Variants in SMAD2 observed in about 807,000 individuals in gnomAD.
The protein encoded by SMAD2 is SMAD family member 2, also known as MAD homolog 2.
A neutral mutation model predicts 64.4 loss-of-function variants in SMAD2; 8 were observed. The observed-to-expected ratio is 0.12, with a 90% CI of 0.07 to 0.22. The LOEUF is 0.22. Among genes scored for constraint, SMAD2 ranks in the 10% least tolerant of loss-of-function variants. The pLI is 1.00. For synonymous variants in SMAD2, 203 were observed against 195.8 expected, an observed-to-expected ratio of 1.04 and a Z score of -0.31; for missense variants, 289 against 561.2, an observed-to-expected ratio of 0.51 and a Z score of 4.90.
intron 1 of SMAD2, among the ~76,000 whole-genome samples, chr18:47,897,485 T>C (rs569246272): frequency 1.3e-5 from 2 of 152,342 alleles, no homozygotes; most frequent in Non-Finnish European, 2.9e-5. Context: ...TCTTTTCTCT[T>C]CCATAGGAAT....
rs972198207 is a variant in SMAD2, at chr18:47,930,451, G to A, written c.-144C>T. The A allele has an allele frequency of 1.3e-5, 2 of 152,076 alleles. No homozygotes were observed. Among genetic ancestry groups the A allele is most frequent in the Non-Finnish European group, 2.9e-5 (2 of 67,994 alleles). 9.4% of individuals were successfully genotyped at this position (152,076 alleles called of 1,614,324 possible). A position where few individuals can be genotyped will look rare whatever the true frequency, so the allele number is the denominator to read the frequency against. ...CTTCCGATGGGATGGAGGGGGCTGG[G>A]AGGGGAAGAGGGGAATGGGCGATTG... On this transcript the variant is annotated 5_prime_UTR_variant, in exon 1 of 11. Transcript: ENST00000262160.
chr18:47,910,391 G>C (rs958256632), intron 1 of SMAD2, among the ~76,000 whole-genome samples: 14 of 152,146 alleles, frequency 9.2e-5, no homozygotes, highest in Admixed American at 6.5e-5. Context: ...ATATAATATA[G>C]GGTTCTAATT....
intron 2 of SMAD2, among the ~76,000 whole-genome samples, chr18:47,871,214 C>T (rs1320644902): frequency 6.6e-6 from 1 of 152,094 alleles, no homozygotes; most frequent in Non-Finnish European, 1.5e-5. Context: ...TTCATAGTAA[C>T]TTCTGGTCAG....
Position 47,865,100 on chromosome 18 carries a change from C to T in SMAD2, c.689G>A (p.Gly230Glu). The change falls in exon 6 of 11, where the codon GGA (glycine) becomes GAA (glutamate). Residue 230 changes from glycine to glutamate, a missense_variant. Transcript: ENST00000262160. ...ATTCAACTGTTGGTCACTTGTTTCT[C>T]CATCTTCACTGATATATCCAGGAGG... ...TPPPGYISEDGETSDQQLNQS... is the reference protein window; with the variant it reads ...TPPPGYISEDEETSDQQLNQS... 1 of 1,610,776 alleles carries T rather than the reference C, an allele frequency of 6.2e-7. No individual in the cohort carries two copies. The highest frequency in any genetic ancestry group is 8.5e-7 in the Non-Finnish European group (1 of 1,177,372).
Position 47,833,658 on chromosome 18 carries a change from A to C in SMAD2, c.*8169T>G, listed in dbSNP as rs1317823085. ...ATGAGTATGAGGCTACAATTGAGAG[A>C]AACTGCTCAGTCTGCATCAGGACAC... On this transcript the variant is annotated 3_prime_UTR_variant, in exon 11 of 11. Coordinates refer to ENST00000262160, the MANE Select transcript of SMAD2 (RefSeq NM_005901.6). 1 of 230,960 alleles carries C rather than the reference A, an allele frequency of 4.3e-6. No individual in the cohort carries two copies. The highest frequency in any genetic ancestry group is 6.1e-5 in the East Asian group (1 of 16,402). 14.3% of individuals were successfully genotyped at this position (230,960 alleles called of 1,614,324 possible).
chr18:47,914,692 C>T (rs1051270786), intron 1 of SMAD2, among the ~76,000 whole-genome samples: 2 of 152,148 alleles, frequency 1.3e-5, no homozygotes, highest in Non-Finnish European at 2.9e-5. Flanking sequence ...TGATCACACG[C>T]ATTCTGTTAT....
rs1392016961 is a variant in SMAD2, at chr18:47,809,691, A to G, written c.*32136T>C. On this transcript the variant is annotated 3_prime_UTR_variant, in exon 11 of 11. Coordinates refer to ENST00000262160, the MANE Select transcript of SMAD2 (RefSeq NM_005901.6). ...GCCTTGTCTGTCTGTAATTCTCTTT[A>G]AATCTTCTGAGGTTTCCCCATTACT... The G allele has an allele frequency of 6.6e-6, 1 of 152,202 alleles. No homozygotes were observed. Among genetic ancestry groups the G allele is most frequent in the Non-Finnish European group, 1.5e-5 (1 of 68,038 alleles). 9.4% of individuals were successfully genotyped at this position (152,202 alleles called of 1,614,324 possible).
At chr18:47,855,254 C>T (rs1347418964) in intron 6 of SMAD2, among the ~76,000 whole-genome samples, 1 of 152,144 alleles carries the variant, frequency 6.6e-6, no homozygotes, top group African/African-American at 2.4e-5. Context: ...TTTATCTAGT[C>T]ACCTATTAAA....
rs1358644638 is a variant in SMAD2, at chr18:47,810,548, A to G, written c.*31279T>C. 1.3e-5 allele frequency: 2 copies of G among 152,148 alleles called. No individual in the cohort carries two copies. Among genetic ancestry groups the G allele is most frequent in the Non-Finnish European group, 2.9e-5 (2 of 68,038 alleles). The allele number at this position is 152,148 out of a possible 1,614,324, so 9.4% of individuals were successfully genotyped here. Reference sequence around the variant, plus strand: ...GTGACAGCAAATCAAGGTCCTCCCAAATAAAAAGTATCTTTTTCCTACAGT... The same window carrying G: ...GTGACAGCAAATCAAGGTCCTCCCAGATAAAAAGTATCTTTTTCCTACAGT... On this transcript the variant is annotated 3_prime_UTR_variant, in exon 11 of 11. Transcript: ENST00000262160.
Position 47,818,188 on chromosome 18 carries a change from G to A in SMAD2, c.*23639C>T, listed in dbSNP as rs1197611134. 6.6e-6 allele frequency: 1 copy of A among 151,810 alleles called. No individual in the cohort carries two copies. The allele number at this position is 151,810 out of a possible 1,614,324, so 9.4% of individuals were successfully genotyped here. A position where few individuals can be genotyped will look rare whatever the true frequency, so the allele number is the denominator to read the frequency against. ...CTTTAAATCTGCTGTTTCTGCCAGT[G>A]TTGAGATGAAACTCACTCCTTACGG... On this transcript the variant is annotated 3_prime_UTR_variant, in exon 11 of 11. Transcript: ENST00000262160.
chr18:47,896,889 C>A, intron 1 of SMAD2, 80 bp from the exon 2 acceptor site: 1 of 1,306,182 alleles, frequency 7.7e-7, no homozygotes, highest in South Asian at 1.3e-5. Context: ...AGAAAGCAAA[C>A]TGCAAAGCAA....
chr18:47,846,889 T>G (rs1207401660), intron 8 of SMAD2, among the ~76,000 whole-genome samples: 1 of 152,094 alleles, frequency 6.6e-6, no homozygotes, highest in African/African-American at 2.4e-5. Context: ...AGAAAACTAA[T>G]CAAACAACTA....
intron 10 of SMAD2, among the ~76,000 whole-genome samples, chr18:47,844,219 A>G (rs1914258120): frequency 6.6e-6 from 1 of 152,206 alleles, no homozygotes; most frequent in Admixed American, 6.5e-5. Context: ...TTTTAAATGT[A>G]TTCAACAAGT....
rs1568022661 is a variant in SMAD2, at chr18:47,835,437, A to T, written c.*6390T>A. On this transcript the variant is annotated 3_prime_UTR_variant, in exon 11 of 11. Coordinates refer to ENST00000262160, the MANE Select transcript of SMAD2 (RefSeq NM_005901.6). ...AAAGGATCCTCCTGTTTCTCATCAA[A>T]TTTTTTTTCAGCTCGAACAATCCAA... 2 of 200,476 alleles carry T rather than the reference A, an allele frequency of 1.0e-5. No homozygotes were observed. Among genetic ancestry groups the T allele is most frequent in the East Asian group, 1.5e-4 (2 of 12,954 alleles). 12.4% of individuals were successfully genotyped at this position (200,476 alleles called of 1,614,324 possible). A position where few individuals can be genotyped will look rare whatever the true frequency, so the allele number is the denominator to read the frequency against.
At position 47,810,035 on chromosome 18, in the gene SMAD2, A is replaced by T. The variant is rs187377514; in HGVS notation, c.*31792T>A. 3.3e-5 allele frequency: 5 copies of T among 152,080 alleles called. No individual in the cohort carries two copies. The East Asian group carries it at 9.7e-4, about 29-fold the overall frequency. The allele number at this position is 152,080 out of a possible 1,614,324, so 9.4% of individuals were successfully genotyped here. On this transcript the variant is annotated 3_prime_UTR_variant, in exon 11 of 11. Transcript: ENST00000262160. ...CTGTAATTACAGAGTTGAAACACATACTCTTTCAGACATGAAGTCAGAGGG... is the reference window on the plus strand; with the variant it reads ...CTGTAATTACAGAGTTGAAACACATTCTCTTTCAGACATGAAGTCAGAGGG...
rs1912625896 is a variant in SMAD2 at position 47,822,997 on chromosome 18, G to C, written c.*18830C>G. 6.6e-6 allele frequency: 1 copy of C among 152,188 alleles called. No homozygotes were observed. The highest frequency in any genetic ancestry group is 1.5e-5 in the Non-Finnish European group (1 of 68,030). The allele number at this position is 152,188 out of a possible 1,614,324, so 9.4% of individuals were successfully genotyped here. ...GAGCCACTGTGCCCAGCCTATTTGT[G>C]AGTACTCTTAAGGCAATATGATTTG... On this transcript the variant is annotated 3_prime_UTR_variant, in exon 11 of 11. Coordinates refer to ENST00000262160, the MANE Select transcript of SMAD2 (RefSeq NM_005901.6).
intron 2 of SMAD2, among the ~76,000 whole-genome samples, chr18:47,893,050 T>C (rs8085921): frequency 0.012 from 1,858 of 152,318 alleles, 36 homozygotes; most frequent in African/African-American, 0.042. Flanking sequence ...TAAATATCAA[T>C]TGCCATTCTG....
intron 8 of SMAD2, among the ~76,000 whole-genome samples, chr18:47,847,971 G>T (rs1370411902): frequency 2.0e-5 from 3 of 152,014 alleles, no homozygotes; most frequent in Admixed American, 6.6e-5. Context: ...ATTTTGAGAT[G>T]TCCCTGAATT....
chr18:47,837,967 T>C lies in SMAD2; in HGVS notation c.*3860A>G. 1 of 232,720 alleles carries C rather than the reference T, an allele frequency of 4.3e-6. No individual in the cohort carries two copies. 14.4% of individuals were successfully genotyped at this position (232,720 alleles called of 1,614,324 possible). The stretch of plus-strand genomic sequence containing the variant: ...GCCACCCTCAGACGAAGAGGGTATC[T>C]AACACTGAATAAATGCTGAACCTAT... On this transcript the variant is annotated 3_prime_UTR_variant, in exon 11 of 11. Coordinates refer to ENST00000262160, the MANE Select transcript of SMAD2 (RefSeq NM_005901.6).
Sources: allele counts gnomAD v4.1 joint callset (sites outside exome capture counted in the v4.1 genomes callset), GRCh38; gene constraint gnomAD v4.1.1; transcripts MANE v1.5; gene names NCBI Gene and HGNC (gene_info 2026-07-23, HGNC 2026-07-21).